USH2A: variants seen among roughly 807,000 people sequenced by gnomAD.
The protein encoded by USH2A is Usher syndrome 2A (autosomal recessive, mild).
A neutral mutation model predicts 538.9 loss-of-function variants in USH2A; 443 were observed. That is an observed-to-expected ratio of 0.82 (90% CI 0.76 to 0.89). USH2A has a LOEUF of 0.89. Among genes scored for constraint, USH2A ranks in the 40% least tolerant of loss-of-function variants. The pLI, the probability that USH2A is intolerant of heterozygous loss-of-function variation, is 0.00. For synonymous variants in USH2A, 2,413 were observed against 2,273.5 expected (o/e 1.06, Z -1.75); for missense variants, 6,633 against 6,324.8 (o/e 1.05, Z -1.65).
At chr1:215,880,723 A>G (rs1294432079) in intron 41 of USH2A, among the ~76,000 whole-genome samples, 2 of 152,222 alleles carry the variant, frequency 1.3e-5, no homozygotes, top group Non-Finnish European at 2.9e-5. Context: ...GCTAAATTCA[A>G]CCTGACTAAT....
chr1:215,860,669 A>G lies in USH2A; in HGVS notation c.8845+6338T>C, dbSNP rs1335281758. Among the ~76,000 whole-genome samples, 11 of 152,312 alleles carry G rather than the reference A, an allele frequency of 7.2e-5. No individual in the cohort carries two copies. The East Asian group carries it at 2.1e-3, about 29-fold the overall frequency. ...AAATTTGAGTTAAGACAGAGACTGT[A>G]TGGGCTTCAAAGTCTAACATTATAC... On this transcript the variant is annotated intron_variant, in intron 44 of 71. Coordinates refer to ENST00000307340, the MANE Select transcript of USH2A (RefSeq NM_206933.4).
chr1:216,058,121 G>A lies in USH2A; in HGVS notation c.6050-9474C>T, dbSNP rs1318512002. The stretch of plus-strand genomic sequence containing the variant: ...AGCTCAAGCAGTCATCTTGAACTAT[G>A]AGGTAGAAGCCTTGTCCATAAGGAT... On this transcript the variant is annotated intron_variant, in intron 30 of 71. Transcript: ENST00000307340. 3.9e-5 allele frequency among the ~76,000 whole-genome samples: 6 copies of A among 152,142 alleles called. 1 individual carries two copies. Among genetic ancestry groups the A allele is most frequent in the African/African-American group, 1.4e-4 (6 of 41,400 alleles).
chr1:215,813,613 C>A (rs995677669), intron 49 of USH2A, 123 bp downstream of exon 49: 2 of 1,138,238 alleles, frequency 1.8e-6, no homozygotes, highest in Non-Finnish European at 2.7e-6. Flanking sequence ...AGGCCATTGG[C>A]TATGTGTTTA....
chr1:215,805,655 C>T (rs1662479672), intron 49 of USH2A, among the ~76,000 whole-genome samples: 1 of 151,990 alleles, frequency 6.6e-6, no homozygotes. Flanking sequence ...TGCCTGGCTT[C>T]AGAGATCACT....
chr1:215,666,540 C>G (rs151328164), intron 64 of USH2A, among the ~76,000 whole-genome samples: 1 of 152,210 alleles, frequency 6.6e-6, no homozygotes, highest in East Asian at 1.9e-4. Flanking sequence ...TGAGAATCAC[C>G]TGGGAACCTT....
intron 11 of USH2A, among the ~76,000 whole-genome samples, chr1:216,286,725 A>AAATG (rs1178027388): frequency 2.0e-5 from 3 of 151,716 alleles, no homozygotes; most frequent in Non-Finnish European, 4.4e-5. Flanking sequence ...CTCTGTCTCT[A>AAATG]AATAAATAAA....
chr1:216,260,146 T>C (rs1236844323), intron 11 of USH2A, among the ~76,000 whole-genome samples: 6 of 151,784 alleles, frequency 4.0e-5, no homozygotes, highest in Admixed American at 2.0e-4. Flanking sequence ...TTAAAAAATA[T>C]AACCCATAAT....
At chr1:216,299,476 C>T (rs1205387497) in intron 9 of USH2A, among the ~76,000 whole-genome samples, 1 of 151,734 alleles carries the variant, frequency 6.6e-6, no homozygotes, top group Non-Finnish European at 1.5e-5. Flanking sequence ...TAATATAATG[C>T]CTGAAAGTAT....
At chr1:215,758,849 T>A (rs1660892308) in intron 57 of USH2A, 97 bp from the exon 58 acceptor site, 1 of 1,347,856 alleles carries the variant, frequency 7.4e-7, no homozygotes, top group East Asian at 2.4e-5. Context: ...GTCCTAAATT[T>A]GTGACAAATT....
intron 26 of USH2A, among the ~76,000 whole-genome samples, chr1:216,082,197 A>G (rs2031971346): frequency 6.6e-6 from 1 of 152,120 alleles, no homozygotes; most frequent in South Asian, 2.1e-4. Flanking sequence ...TTAACATGAT[A>G]ATTGCTAAGG....
At chr1:215,944,397 ATT>A (rs907213755) in intron 37 of USH2A, among the ~76,000 whole-genome samples, 6 of 152,280 alleles carry the variant, frequency 3.9e-5, no homozygotes, top group African/African-American at 1.4e-4. Context: ...AAAGGGAGCA[ATT>A]TCCAGTTTCT....
intron 11 of USH2A, among the ~76,000 whole-genome samples, chr1:216,254,282 C>T (rs933034491): frequency 2.6e-5 from 4 of 151,870 alleles, no homozygotes; most frequent in Admixed American, 2.0e-4. Context: ...ACTGAAAATA[C>T]CCAGTTTACT....
chr1:215,865,187 A>G (rs1664436659), intron 44 of USH2A, among the ~76,000 whole-genome samples: 1 of 152,192 alleles, frequency 6.6e-6, no homozygotes. Flanking sequence ...TGCCCAAAAG[A>G]AGAAAATGAT....
intron 35 of USH2A, among the ~76,000 whole-genome samples, chr1:215,981,340 C>G (rs984958098): frequency 6.6e-6 from 1 of 151,974 alleles, no homozygotes; most frequent in East Asian, 1.9e-4. Flanking sequence ...TAAATATCAT[C>G]TCTCTTATTA....
intron 14 of USH2A, among the ~76,000 whole-genome samples, chr1:216,226,421 G>A (rs773932403): frequency 5.9e-5 from 9 of 152,114 alleles, no homozygotes; most frequent in Non-Finnish European, 1.3e-4. Flanking sequence ...CTTTCATCAA[G>A]CTAGGACATG....
Position 215,970,710 on chromosome 1 carries a change from T to C in USH2A, c.6872A>G (p.Tyr2291Cys), listed in dbSNP as rs148817340. The change falls in exon 36 of 72, where the codon TAT becomes TGT. Residue 2291 changes from tyrosine to cysteine, a missense_variant. By Grantham distance (194) the Tyr-to-Cys change is radical (BLOSUM62 -2). Coordinates refer to ENST00000307340, the MANE Select transcript of USH2A (RefSeq NM_206933.4). ...ILIHNSSELSYRAYGFAPWSL... is the reference protein window; with the variant it reads ...ILIHNSSELSCRAYGFAPWSL... ...CCAAGGAGCAAATCCGTAAGCACGA[T>C]AGCTGAGTTCTGAGGAATTGTGGAT... 9.9e-6 allele frequency: 16 copies of C among 1,613,596 alleles called. No individual in the cohort carries two copies. Among genetic ancestry groups the C allele is most frequent in the East Asian group, 4.5e-5 (2 of 44,872 alleles).
intron 3 of USH2A, among the ~76,000 whole-genome samples, chr1:216,368,829 G>C (rs1571747979): frequency 6.6e-6 from 1 of 152,234 alleles, no homozygotes; most frequent in Non-Finnish European, 1.5e-5. Context: ...GACCTTCTCT[G>C]TGTGACTTGC....
intron 48 of USH2A, among the ~76,000 whole-genome samples, chr1:215,814,559 G>A (rs544337055): frequency 8.0e-4 from 121 of 152,122 alleles, no homozygotes; most frequent in African/African-American, 2.8e-3. Flanking sequence ...GTCTAAAGGC[G>A]AGTGAGTTCT....
Position 216,418,759 on chromosome 1 carries a change from G to A in USH2A, c.486-80C>T. 2.6e-6 allele frequency: 4 copies of A among 1,519,730 alleles called. No individual in the cohort carries two copies. The Middle Eastern group carries it at 5.1e-4, about 194-fold the overall frequency. 94.1% of individuals were successfully genotyped at this position (1,519,730 alleles called of 1,614,324 possible). Reference sequence around the variant, plus strand: ...GCTAAGGTATTGTGCAGTTACAGTGGTGTTAAAATGACCTCAAACTTTGCT... The same window carrying A: ...GCTAAGGTATTGTGCAGTTACAGTGATGTTAAAATGACCTCAAACTTTGCT... On this transcript the variant is annotated intron_variant, in intron 2 of 71. Coordinates refer to ENST00000307340, the MANE Select transcript of USH2A (RefSeq NM_206933.4).
Sources: allele counts gnomAD v4.1 joint callset (sites outside exome capture counted in the v4.1 genomes callset), GRCh38; gene constraint gnomAD v4.1.1; transcripts MANE v1.5; gene names NCBI Gene and HGNC (gene_info 2026-07-23, HGNC 2026-07-21).